Variants in DLGAP2 observed in about 807,000 individuals in gnomAD.
DLGAP2 encodes disks large-associated protein 2.
DLGAP2 carries 26 observed loss-of-function variants against 100.3 expected under a neutral mutation model. That is an observed-to-expected ratio of 0.26 (90% CI 0.19 to 0.36). DLGAP2 has a LOEUF of 0.36. Among genes scored for constraint, DLGAP2 ranks in the 10% least tolerant of loss-of-function variants. The pLI is 1.00. For missense variants in DLGAP2, 1,858 were observed against 1,453.2 expected (o/e 1.28, Z -4.53); for synonymous variants, 886 against 630.1 (o/e 1.41, Z -6.08).
chr8:1,492,179 G>A (rs375955239), intron 3 of DLGAP2, among the ~76,000 whole-genome samples: 4 of 152,142 alleles, frequency 2.6e-5, no homozygotes, highest in East Asian at 1.9e-4. Flanking sequence ...ATAAAATTAC[G>A]ATCATTTCTA....
chr8:935,681 AGT>A (rs564051568), intron 2 of DLGAP2, among the ~76,000 whole-genome samples: 139 of 152,106 alleles, frequency 9.1e-4, no homozygotes, highest in African/African-American at 3.1e-3. Context: ...GTCGTGTCTA[AGT>A]GTGTTTCCTT....
At chr8:1,362,534 C>A (rs1179742267) in intron 3 of DLGAP2, among the ~76,000 whole-genome samples, 1 of 152,116 alleles carries the variant, frequency 6.6e-6, no homozygotes, top group Non-Finnish European at 1.5e-5. Flanking sequence ...TGAGCCTTGG[C>A]TTCCACACTA....
intron 2 of DLGAP2, among the ~76,000 whole-genome samples, chr8:936,461 C>T (rs984218598): frequency 6.6e-5 from 10 of 152,170 alleles, no homozygotes; most frequent in Non-Finnish European, 7.4e-5. Flanking sequence ...GGAAGGGAAG[C>T]CCAGCCGCCT....
In DLGAP2 at chr8:1,548,964, G is replaced by C; in HGVS notation, c.511G>C (p.Asp171His). The change falls in exon 5 of 15, where the codon GAC becomes CAC. Residue 171 changes from aspartate (D) to histidine (H), a missense_variant. Asp to His is a moderately conservative substitution (Grantham distance 81). Coordinates refer to ENST00000637795, the MANE Select transcript of DLGAP2 (RefSeq NM_001346810.2). ...GCGGATGCACTACAGCTCGCACTAC[G>C]ACACGCGCGACGACTGCGCTGTGGC... ...FPRMHYSSHYDTRDDCAVAHA... is the reference protein window; with the variant it reads ...FPRMHYSSHYHTRDDCAVAHA... The C allele has an allele frequency of 2.5e-6, 4 of 1,598,934 alleles. No individual in the cohort carries two copies. The highest frequency in any genetic ancestry group is 3.4e-6 in the Non-Finnish European group (4 of 1,179,442).
At chr8:761,438 G>A (rs1230689876) in intron 1 of DLGAP2, among the ~76,000 whole-genome samples, 5 of 152,186 alleles carry the variant, frequency 3.3e-5, no homozygotes, top group African/African-American at 4.8e-5. Context: ...ACTCTCTAAC[G>A]TTATTCACGT....
intron 1 of DLGAP2, among the ~76,000 whole-genome samples, chr8:763,043 G>C (rs1189353992): frequency 6.6e-6 from 1 of 151,636 alleles, no homozygotes; most frequent in Admixed American, 6.6e-5. Flanking sequence ...AATACTTCAC[G>C]AGTTATTCAA....
intron 2 of DLGAP2, among the ~76,000 whole-genome samples, chr8:1,192,119 C>G (rs767671897): frequency 4.6e-5 from 7 of 152,092 alleles, no homozygotes; most frequent in Non-Finnish European, 8.8e-5. Context: ...TGGCTTTCTC[C>G]TCTCGTACGT....
At chr8:1,530,698 T>A (rs1231831082) in intron 4 of DLGAP2, among the ~76,000 whole-genome samples, 1 of 152,246 alleles carries the variant, frequency 6.6e-6, no homozygotes, top group Non-Finnish European at 1.5e-5. Context: ...GGGGAACTAA[T>A]AAATGTCCAT....
At chr8:1,058,632 G>A (rs1368008302) in intron 2 of DLGAP2, among the ~76,000 whole-genome samples, 1 of 152,204 alleles carries the variant, frequency 6.6e-6, no homozygotes, top group Non-Finnish European at 1.5e-5. Flanking sequence ...TAAAATCCAA[G>A]TTTCTAGCCA....
intron 2 of DLGAP2, among the ~76,000 whole-genome samples, chr8:1,197,279 C>T (rs1029835612): frequency 1.0e-5 from 1 of 95,456 alleles, no homozygotes; most frequent in Non-Finnish European, 2.2e-5. Context: ...TCACCAGTTA[C>T]CTGGCTATCA....
intron 2 of DLGAP2, among the ~76,000 whole-genome samples, chr8:1,202,506 A>T (rs11136359): frequency 0.19 from 29,647 of 152,120 alleles, 3,117 homozygotes; most frequent in East Asian, 0.38. Flanking sequence ...GATGTCAGAC[A>T]TACAAAAACA....
At chr8:1,427,933 GAATT>G (rs903134718) in intron 3 of DLGAP2, among the ~76,000 whole-genome samples, 2 of 152,054 alleles carry the variant, frequency 1.3e-5, no homozygotes, top group African/African-American at 4.8e-5. Context: ...AAAATACTTG[GAATT>G]AATATAAAAT....
At chr8:774,998 A>G (rs1050172195) in intron 1 of DLGAP2, among the ~76,000 whole-genome samples, 8 of 151,824 alleles carry the variant, frequency 5.3e-5, no homozygotes, top group Admixed American at 3.9e-4. Flanking sequence ...ATGTTCTTCC[A>G]TTTGTTTGTA....
chr8:1,325,985 C>T (rs6558448), intron 3 of DLGAP2, among the ~76,000 whole-genome samples: 1 of 151,956 alleles, frequency 6.6e-6, no homozygotes, highest in African/African-American at 2.4e-5. Context: ...GAGTTTCTGC[C>T]TCCGGGTTAG....
intron 2 of DLGAP2, among the ~76,000 whole-genome samples, chr8:983,410 C>G (rs1262612082): frequency 1.3e-5 from 2 of 151,322 alleles, no homozygotes; most frequent in Non-Finnish European, 2.9e-5. Context: ...GTTCTTCTGT[C>G]CCTTAGAATC....
At chr8:774,375 G>A (rs2132613292) in intron 1 of DLGAP2, among the ~76,000 whole-genome samples, 1 of 152,234 alleles carries the variant, frequency 6.6e-6, no homozygotes, top group South Asian at 2.1e-4. Flanking sequence ...TGTCAATTTT[G>A]GCTTTTGTTG....
chr8:1,327,766 C>T (rs1418736195), intron 3 of DLGAP2, among the ~76,000 whole-genome samples: 1 of 152,114 alleles, frequency 6.6e-6, no homozygotes, highest in Non-Finnish European at 1.5e-5. Flanking sequence ...ATGGCTTGAA[C>T]CCAGGAGGGG....
At chr8:1,514,092 C>T (rs1800274953) in intron 4 of DLGAP2, among the ~76,000 whole-genome samples, 2 of 152,220 alleles carry the variant, frequency 1.3e-5, no homozygotes, top group African/African-American at 4.8e-5. Context: ...GCTAGGCAGG[C>T]ATTGGGTGGC....
chr8:1,039,898 G>T (rs1802270748), intron 2 of DLGAP2, among the ~76,000 whole-genome samples: 1 of 148,736 alleles, frequency 6.7e-6, no homozygotes. Flanking sequence ...CGGTATGCAT[G>T]GTCAGCTCGG....
Sources: allele counts gnomAD v4.1 joint callset (sites outside exome capture counted in the v4.1 genomes callset), GRCh38; gene constraint gnomAD v4.1.1; transcripts MANE v1.5; gene names NCBI Gene and HGNC (gene_info 2026-07-23, HGNC 2026-07-21).